ADGRL2: variants seen among roughly 807,000 people sequenced by gnomAD.
ADGRL2 encodes calcium-independent alpha-latrotoxin receptor 2.
A neutral mutation model predicts 157.4 loss-of-function variants in ADGRL2; 44 were observed. The observed-to-expected ratio is 0.28, with a 90% CI of 0.22 to 0.36. The LOEUF (loss-of-function observed/expected upper bound fraction) is 0.36. ADGRL2 is among the 10% of genes least tolerant of loss of function. The pLI is 1.00. For synonymous variants in ADGRL2, 585 were observed against 624.7 expected (o/e 0.94, Z 0.95); for missense variants, 1,510 against 1,768.9 (o/e 0.85, Z 2.63).
intron 3 of ADGRL2, among the ~76,000 whole-genome samples, chr1:81,664,450 C>T (rs1227053028): frequency 2.0e-5 from 3 of 152,112 alleles, no homozygotes; most frequent in South Asian, 2.1e-4. Context: ...GATGTGCTTC[C>T]TTCTGAAACA....
chr1:81,842,501 G>A (rs2150327800), intron 2 of ADGRL2, among the ~76,000 whole-genome samples: 1 of 151,790 alleles, frequency 6.6e-6, no homozygotes, highest in Non-Finnish European at 1.5e-5. Context: ...GGGATTACAG[G>A]CACCTGCCAC....
intron 2 of ADGRL2, among the ~76,000 whole-genome samples, chr1:81,500,950 T>C (rs2078832140): frequency 1.3e-5 from 2 of 152,208 alleles, no homozygotes; most frequent in Admixed American, 1.3e-4. Context: ...AGAGAGCTAA[T>C]ATAAATGTAG....
At position 81,326,067 on chromosome 1, in the gene ADGRL2, G is replaced by A. The variant is rs142222134; in HGVS notation, c.-302+19558G>A. ...AGTGTGGACTATATAAATATATACA[G>A]GTGGAAAGTTTAAGTTTGTCATATC... On this transcript the variant is annotated intron_variant, in intron 1 of 24. Coordinates refer to the ADGRL2 transcript ENST00000370721. Among the ~76,000 whole-genome samples the A allele has an allele frequency of 7.6e-4, 115 of 152,262 alleles. 1 individual carries two copies. The highest frequency in any genetic ancestry group is 2.6e-3 in the African/African-American group (107 of 41,538).
intron 1 of ADGRL2, among the ~76,000 whole-genome samples, chr1:81,819,297 A>G (rs2090743868): frequency 6.6e-6 from 1 of 152,108 alleles, no homozygotes; most frequent in Admixed American, 6.6e-5. Flanking sequence ...AAAGAATCAA[A>G]GCCCAGAACC....
intron 3 of ADGRL2, among the ~76,000 whole-genome samples, chr1:81,590,433 A>G (rs984489227): frequency 2.6e-5 from 4 of 151,944 alleles, no homozygotes; most frequent in Non-Finnish European, 5.9e-5. Flanking sequence ...CCAGTTTCCC[A>G]TTGTGGTGAC....
intron 1 of ADGRL2, among the ~76,000 whole-genome samples, chr1:81,734,077 G>A (rs2084815453): frequency 6.6e-6 from 1 of 152,038 alleles, no homozygotes; most frequent in Admixed American, 6.6e-5. Context: ...GGGAGTTCGA[G>A]ACCAGACTAA....
intron 1 of ADGRL2, among the ~76,000 whole-genome samples, chr1:81,742,732 C>G (rs539073319): frequency 6.6e-6 from 1 of 152,090 alleles, no homozygotes; most frequent in South Asian, 2.1e-4. Flanking sequence ...TGAATGAATG[C>G]ATAACTGAAT....
intron 1 of ADGRL2, among the ~76,000 whole-genome samples, chr1:81,365,378 C>T (rs1347746045): frequency 6.6e-6 from 1 of 151,122 alleles, no homozygotes; most frequent in African/African-American, 2.4e-5. Context: ...CTTATGGAAA[C>T]CTAATCTTGT....
upstream of ADGRL2, among the ~76,000 whole-genome samples, chr1:81,698,983 G>A (rs1320567759): frequency 6.6e-6 from 1 of 152,086 alleles, no homozygotes; most frequent in African/African-American, 2.4e-5. Context: ...TAAGTTTACA[G>A]AAAGCTTCTC....
chr1:81,518,146 A>C (rs773665230), intron 2 of ADGRL2, among the ~76,000 whole-genome samples: 6 of 152,240 alleles, frequency 3.9e-5, no homozygotes, highest in African/African-American at 7.2e-5. Flanking sequence ...AGGAGTAGGA[A>C]CGCGTGAAAG....
At chr1:81,703,177 A>G (rs572900215) in intron 1 of ADGRL2, among the ~76,000 whole-genome samples, 11 of 152,364 alleles carry the variant, frequency 7.2e-5, no homozygotes, top group African/African-American at 2.6e-4. Flanking sequence ...ACATATTTCA[A>G]GGGCATGAGA....
intron 1 of ADGRL2, among the ~76,000 whole-genome samples, chr1:81,404,615 A>G (rs2076820917): frequency 6.6e-6 from 1 of 152,206 alleles, no homozygotes; most frequent in Non-Finnish European, 1.5e-5. Context: ...CAATGAATAA[A>G]ATGCTTGATA....
At chr1:81,670,441 A>C (rs1010881043) in intron 3 of ADGRL2, among the ~76,000 whole-genome samples, 2 of 152,172 alleles carry the variant, frequency 1.3e-5, no homozygotes, top group African/African-American at 4.8e-5. Flanking sequence ...AGGAAAGTAC[A>C]CTGCCCTCTG....
intron 2 of ADGRL2, among the ~76,000 whole-genome samples, chr1:81,890,341 T>C (rs544062733): frequency 1.8e-3 from 275 of 152,342 alleles, no homozygotes; most frequent in Non-Finnish European, 3.1e-3. Context: ...ATAAATTATA[T>C]GGAAAAAATT....
At chr1:81,870,537 T>TA (rs2093664595) in intron 2 of ADGRL2, among the ~76,000 whole-genome samples, 2 of 152,100 alleles carry the variant, frequency 1.3e-5, no homozygotes. Context: ...CCCATAGTGA[T>TA]AATCTAATTC....
chr1:81,319,358 C>T (rs1660343734), intron 1 of ADGRL2, among the ~76,000 whole-genome samples: 1 of 152,170 alleles, frequency 6.6e-6, no homozygotes, highest in Non-Finnish European at 1.5e-5. Flanking sequence ...TCCTACTATT[C>T]CATGTCCTGC....
chr1:81,907,488 A>G (rs2094607495), intron 3 of ADGRL2, among the ~76,000 whole-genome samples: 1 of 152,248 alleles, frequency 6.6e-6, no homozygotes, highest in Admixed American at 6.5e-5. Flanking sequence ...CATGAAATAA[A>G]AAGCAAGAAT....
chr1:81,901,034 G>A lies in ADGRL2; in HGVS notation c.74-5983G>A, dbSNP rs546350501. Among the ~76,000 whole-genome samples the A allele has an allele frequency of 2.8e-3, 434 of 152,292 alleles. 2 individuals carry two copies. Among genetic ancestry groups the A allele is most frequent in the Middle Eastern group, 6.8e-3 (2 of 294 alleles). On this transcript the variant is annotated intron_variant, in intron 2 of 23. Coordinates refer to ENST00000686636, the MANE Select transcript of ADGRL2 (RefSeq NM_001366006.2). ...AGCTGAGGTATTAAAAAGAAACCAC[G>A]ACAGCAGCAGCAATTCTCAGGGGAA...
chr1:81,910,281 A>C (rs892468903), intron 3 of ADGRL2, among the ~76,000 whole-genome samples: 10 of 150,670 alleles, frequency 6.6e-5, no homozygotes, highest in African/African-American at 1.9e-4. Flanking sequence ...TAATACTACA[A>C]TTGAGAAAGG....
Sources: allele counts gnomAD v4.1 joint callset (sites outside exome capture counted in the v4.1 genomes callset), GRCh38; gene constraint gnomAD v4.1.1; transcripts MANE v1.5; gene names NCBI Gene and HGNC (gene_info 2026-07-23, HGNC 2026-07-21).